SAMD12: variants seen among roughly 807,000 people sequenced by gnomAD.
SAMD12 encodes the protein sterile alpha motif domain-containing protein 12.
In SAMD12, 9 loss-of-function variants were observed where a neutral mutation model predicts 15.0. The observed-to-expected ratio is 0.60, with a 90% CI of 0.36 to 1.05. SAMD12 has a LOEUF of 1.05. Among genes scored for constraint, SAMD12 ranks in the 50% least tolerant of loss-of-function variants. The pLI is 0.01. For missense variants in SAMD12, 230 were observed against 234.2 expected, an observed-to-expected ratio of 0.98 and a Z score of 0.12; for synonymous variants, 86 against 90.1, an observed-to-expected ratio of 0.96 and a Z score of 0.25.
intron 4 of SAMD12, among the ~76,000 whole-genome samples, chr8:118,313,849 T>C (rs1815749468): frequency 6.6e-6 from 1 of 151,982 alleles, no homozygotes; most frequent in African/African-American, 2.4e-5. Context: ...TTGGTGATTA[T>C]CTAGTATTGA....
In SAMD12 at chr8:118,464,418, C is replaced by T. The variant is rs144518608; in HGVS notation, c.193-24457G>A. On this transcript the variant is annotated intron_variant, in intron 2 of 3. Coordinates refer to ENST00000314727, the MANE Select transcript of SAMD12 (RefSeq NM_207506.3). ...AGAGAAAAGATGGGTCCAGGAAAAGCGTATTATAGGTTGACTGTAGTCAGA... is the reference window on the plus strand; with the variant it reads ...AGAGAAAAGATGGGTCCAGGAAAAGTGTATTATAGGTTGACTGTAGTCAGA... Among the ~76,000 whole-genome samples the T allele has an allele frequency of 5.3e-5, 8 of 152,172 alleles. No individual in the cohort carries two copies. The East Asian group carries it at 1.2e-3, about 22-fold the overall frequency.
In SAMD12 at chr8:118,587,135, C is replaced by A. The variant is rs926416335; in HGVS notation, c.14-6242G>T. 3.9e-5 allele frequency among the ~76,000 whole-genome samples: 6 copies of A among 152,172 alleles called. No individual in the cohort carries two copies. The South Asian group carries it at 1.2e-3, about 31-fold the overall frequency. On this transcript the variant is annotated intron_variant, in intron 1 of 3. Transcript: ENST00000314727. ...AGTGACCTTAAAAACAAATATACTC[C>A]AATCCCCACCATTAGTTATTAGAAT...
chr8:118,165,972 G>A, the SAMD12 span, among the ~76,000 whole-genome samples: 6 of 152,014 alleles, frequency 3.9e-5, no homozygotes, highest in South Asian at 8.3e-4. Flanking sequence ...TGGGTTTCTC[G>A]ACTTCATCTG....
intron 4 of SAMD12, among the ~76,000 whole-genome samples, chr8:118,314,275 TTTC>T (rs1815769303): frequency 3.9e-5 from 6 of 152,204 alleles, no homozygotes; most frequent in Admixed American, 3.9e-4. Context: ...ATATACCAGC[TTTC>T]TTCTTTTTTT....
chr8:118,413,765 GGAA>G (rs1338888465), intron 3 of SAMD12, among the ~76,000 whole-genome samples: 5 of 152,126 alleles, frequency 3.3e-5, no homozygotes, highest in African/African-American at 1.2e-4. Flanking sequence ...AGTAAATATA[GGAA>G]GAAGGCAAAG....
intron 1 of SAMD12, among the ~76,000 whole-genome samples, chr8:118,581,151 AT>A (rs1210958338): frequency 1.3e-5 from 2 of 152,292 alleles, no homozygotes; most frequent in African/African-American, 4.8e-5. Context: ...CAACTTACAA[AT>A]CCAAATGTTA....
chr8:118,503,503 C>T (rs1277272378), intron 2 of SAMD12, among the ~76,000 whole-genome samples: 3 of 152,198 alleles, frequency 2.0e-5, no homozygotes, highest in Admixed American at 6.5e-5. Context: ...GCCCTTCTGA[C>T]CCTCTAGAAA....
chr8:118,485,554 T>C (rs1225382217), intron 2 of SAMD12, among the ~76,000 whole-genome samples: 1 of 152,214 alleles, frequency 6.6e-6, no homozygotes, highest in Non-Finnish European at 1.5e-5. Context: ...ATGACATTTG[T>C]GCTATAGAAG....
intron 2 of SAMD12, among the ~76,000 whole-genome samples, chr8:118,455,801 A>G (rs1823231906): frequency 6.6e-6 from 1 of 152,232 alleles, no homozygotes; most frequent in Non-Finnish European, 1.5e-5. Flanking sequence ...TCATCCTTAT[A>G]CATACATACA....
intron 4 of SAMD12, among the ~76,000 whole-genome samples, chr8:118,209,233 T>C (rs903402434): frequency 6.6e-6 from 1 of 152,034 alleles, no homozygotes; most frequent in Non-Finnish European, 1.5e-5. Context: ...TCCAGAAAAG[T>C]TTAAAAGAAA....
intron 2 of SAMD12, among the ~76,000 whole-genome samples, chr8:118,550,060 C>T (rs1420263133): frequency 2.0e-5 from 3 of 152,234 alleles, no homozygotes; most frequent in East Asian, 3.9e-4. Flanking sequence ...GATTGGTGTA[C>T]CTGAAAGTGA....
At chr8:118,460,019 A>T (rs1823369591) in intron 2 of SAMD12, among the ~76,000 whole-genome samples, 1 of 152,236 alleles carries the variant, frequency 6.6e-6, no homozygotes, top group Non-Finnish European at 1.5e-5. Flanking sequence ...TCTATTTTAA[A>T]ATGAGGTGGT....
chr8:118,441,985 A>C (rs1176157365), intron 2 of SAMD12, among the ~76,000 whole-genome samples: 1 of 152,152 alleles, frequency 6.6e-6, no homozygotes, highest in Non-Finnish European at 1.5e-5. Flanking sequence ...AAATGAATGA[A>C]CAAGCCTCAG....
At chr8:118,255,623 C>G (rs1248623103) in intron 4 of SAMD12, among the ~76,000 whole-genome samples, 1 of 149,434 alleles carries the variant, frequency 6.7e-6, no homozygotes, top group Non-Finnish European at 1.5e-5. Context: ...TTTGTCCTTG[C>G]GATAGTTTAC....
At chr8:118,373,089 A>G (rs1819190390), downstream of SAMD12, among the ~76,000 whole-genome samples, 1 of 152,182 alleles carries the variant, frequency 6.6e-6, no homozygotes, top group East Asian at 1.9e-4. Context: ...TAGTTATTCA[A>G]CTGTGTGCAT....
intron 4 of SAMD12, among the ~76,000 whole-genome samples, chr8:118,274,674 A>G (rs1007267783): frequency 1.3e-5 from 2 of 152,152 alleles, no homozygotes; most frequent in African/African-American, 4.8e-5. Flanking sequence ...AAATGCTCCT[A>G]TTTGTAAACT....
intron 2 of SAMD12, among the ~76,000 whole-genome samples, chr8:118,545,683 T>C (rs901741074): frequency 2.0e-5 from 3 of 152,216 alleles, no homozygotes; most frequent in African/African-American, 2.4e-5. Context: ...TCCTTAGGAA[T>C]AGAAAAGAAA....
intron 4 of SAMD12, among the ~76,000 whole-genome samples, chr8:118,226,273 T>C (rs1812186795): frequency 6.6e-6 from 1 of 152,194 alleles, no homozygotes; most frequent in Admixed American, 6.6e-5. Flanking sequence ...ATCTGGAGAC[T>C]ATGCTACTCA....
At chr8:118,393,921 G>A (rs1820421015) in intron 3 of SAMD12, among the ~76,000 whole-genome samples, 1 of 152,074 alleles carries the variant, frequency 6.6e-6, no homozygotes, top group East Asian at 1.9e-4. Context: ...TGATCTGAAA[G>A]GATCACAAAG....
Sources: gnomAD v4.1 joint callset for allele counts (sites outside exome capture counted in the v4.1 genomes callset) on GRCh38, gnomAD v4.1.1 for gene constraint, MANE v1.5 for transcripts, NCBI Gene and HGNC (gene_info 2026-07-23, HGNC 2026-07-21) for gene names.